Variants in TTLL11 observed in about 807,000 individuals in gnomAD.
The protein encoded by TTLL11 is tubulin polyglutamylase TTLL11.
A neutral mutation model predicts 51.7 loss-of-function variants in TTLL11; 42 were observed. The ratio of observed to expected loss-of-function variants is 0.81; its 90% CI spans 0.64 to 1.05. TTLL11 has a LOEUF of 1.05. Ranked by LOEUF, TTLL11 falls within the 50% of genes least tolerant of loss-of-function variation. TTLL11 has a pLI of 0.00. For synonymous variants in TTLL11, 381 were observed against 383.5 expected (o/e 0.99, Z 0.08); for missense variants, 799 against 940.4 (o/e 0.85, Z 1.97).
At chr9:122,041,653 T>TA (rs985328391) in intron 1 of TTLL11, among the ~76,000 whole-genome samples, 1 of 152,102 alleles carries the variant, frequency 6.6e-6, no homozygotes, top group African/African-American at 2.4e-5. Flanking sequence ...GACCTTTTTT[T>TA]AAAAGAATTC....
intron 8 of TTLL11, among the ~76,000 whole-genome samples, chr9:121,839,561 C>T (rs766597075): frequency 6.6e-6 from 1 of 152,186 alleles, no homozygotes; most frequent in Non-Finnish European, 1.5e-5. Context: ...GGAAACATGG[C>T]CTTCTTTCTT....
chr9:122,090,305 G>A (rs1401661847), intron 1 of TTLL11, among the ~76,000 whole-genome samples: 1 of 152,154 alleles, frequency 6.6e-6, no homozygotes, highest in Non-Finnish European at 1.5e-5. Flanking sequence ...TCAAAATTCT[G>A]TTAATGGCTC....
At chr9:122,062,312 G>A (rs763438243) in intron 1 of TTLL11, among the ~76,000 whole-genome samples, 2 of 152,084 alleles carry the variant, frequency 1.3e-5, no homozygotes, top group Non-Finnish European at 2.9e-5. Context: ...CTCAGTGCTA[G>A]GAAAAGCCAA....
intron 6 of TTLL11, among the ~76,000 whole-genome samples, chr9:121,964,675 C>T (rs1366718104): frequency 6.6e-6 from 1 of 152,128 alleles, no homozygotes; most frequent in Non-Finnish European, 1.5e-5. Context: ...TCTCCTAATA[C>T]ACTCCATGCA....
At chr9:121,836,356 C>T (rs768146735) in intron 8 of TTLL11, among the ~76,000 whole-genome samples, 17 of 152,146 alleles carry the variant, frequency 1.1e-4, no homozygotes, top group Non-Finnish European at 2.1e-4. Context: ...CTGTGAGATT[C>T]TGAAGGGCAT....
At chr9:122,057,343 T>A (rs1004338450) in intron 1 of TTLL11, among the ~76,000 whole-genome samples, 2 of 127,960 alleles carry the variant, frequency 1.6e-5, no homozygotes, top group Admixed American at 7.8e-5. Context: ...TTTTTTTTTT[T>A]ACTGAATCTC....
chr9:121,914,001 C>T (rs199677241), intron 6 of TTLL11, among the ~76,000 whole-genome samples: 1 of 152,170 alleles, frequency 6.6e-6, no homozygotes, highest in East Asian at 1.9e-4. Context: ...CTGAAGGCAG[C>T]AATTACCATC....
chr9:122,047,698 A>G (rs1457180624), intron 1 of TTLL11, among the ~76,000 whole-genome samples: 1 of 152,180 alleles, frequency 6.6e-6, no homozygotes, highest in African/African-American at 2.4e-5. Flanking sequence ...AATACCACAG[A>G]GAGCTTTGGA....
intron 4 of TTLL11, among the ~76,000 whole-genome samples, chr9:121,975,748 C>A (rs138010189): frequency 1.7e-3 from 266 of 152,098 alleles, no homozygotes; most frequent in Non-Finnish European, 2.3e-3. Flanking sequence ...CCCACCACAT[C>A]CCTACAGAGT....
intron 1 of TTLL11, among the ~76,000 whole-genome samples, chr9:122,057,030 T>A (rs1845305954): frequency 6.6e-6 from 1 of 152,144 alleles, no homozygotes; most frequent in African/African-American, 2.4e-5. Flanking sequence ...GATGTGTTCT[T>A]GGAGTGATTG....
intron 1 of TTLL11, among the ~76,000 whole-genome samples, chr9:122,054,587 G>T (rs1317824306): frequency 6.6e-6 from 1 of 152,068 alleles, no homozygotes; most frequent in Non-Finnish European, 1.5e-5. Context: ...ATTCATGAGG[G>T]TGATACAAAC....
intron 1 of TTLL11, 117 bp from the exon 2 acceptor site, chr9:122,039,485 A>T: frequency 1.4e-6 from 1 of 698,468 alleles, no homozygotes; most frequent in Non-Finnish European, 2.5e-6. Flanking sequence ...TAATCCTTAT[A>T]ATACGCATAT....
chr9:121,828,988 C>G (rs894097610), intron 8 of TTLL11, among the ~76,000 whole-genome samples: 1 of 151,168 alleles, frequency 6.6e-6, no homozygotes, highest in East Asian at 1.9e-4. Flanking sequence ...AACGGAGTCT[C>G]GCTCTGTCAC....
At chr9:121,955,516 T>A (rs1296743064) in intron 6 of TTLL11, among the ~76,000 whole-genome samples, 1 of 152,184 alleles carries the variant, frequency 6.6e-6, no homozygotes, top group African/African-American at 2.4e-5. Flanking sequence ...CACAATAATC[T>A]TGTTAGGTGG....
chr9:121,937,111 C>A (rs543838774), intron 6 of TTLL11, among the ~76,000 whole-genome samples: 1 of 152,180 alleles, frequency 6.6e-6, no homozygotes, highest in African/African-American at 2.4e-5. Flanking sequence ...AACATTTTTA[C>A]AACATTTTAC....
intron 6 of TTLL11, among the ~76,000 whole-genome samples, chr9:121,886,144 T>C (rs1839005006): frequency 6.6e-6 from 1 of 152,178 alleles, no homozygotes; most frequent in South Asian, 2.1e-4. Flanking sequence ...ATAGAGTGTC[T>C]TAGCTCAGAG....
chr9:121,922,703 G>A (rs1275015983), intron 6 of TTLL11, among the ~76,000 whole-genome samples: 7 of 151,998 alleles, frequency 4.6e-5, no homozygotes, highest in East Asian at 1.9e-4. Flanking sequence ...AGCAGGCCCC[G>A]TAACCTAGTC....
intron 8 of TTLL11, among the ~76,000 whole-genome samples, chr9:121,832,244 G>A (rs909686998): frequency 6.6e-6 from 1 of 151,934 alleles, no homozygotes; most frequent in Non-Finnish European, 1.5e-5. Context: ...TAGCTCTTGG[G>A]GACACTCTCC....
intron 8 of TTLL11, among the ~76,000 whole-genome samples, chr9:121,834,157 C>T (rs117284918): frequency 0.013 from 1,994 of 152,288 alleles, 24 homozygotes; most frequent in Admixed American, 0.021. Flanking sequence ...AACTCCAAGG[C>T]GGTTCATCAC....
Sources: allele counts gnomAD v4.1 joint callset (sites outside exome capture counted in the v4.1 genomes callset), GRCh38; gene constraint gnomAD v4.1.1; transcripts MANE v1.5; gene names NCBI Gene and HGNC (gene_info 2026-07-23, HGNC 2026-07-21).